DEAF1: variants seen among roughly 807,000 people sequenced by gnomAD.
DEAF1 encodes the protein DEAF1 transcription factor, also known as deformed epidermal autoregulatory factor 1 homolog.
Under a neutral mutation model 58.9 loss-of-function variants are expected in DEAF1, and 53 were observed. The observed-to-expected ratio is 0.90, with a 90% CI of 0.72 to 1.13. The LOEUF (loss-of-function observed/expected upper bound fraction) is 1.13. DEAF1 is among the 50% of genes most tolerant of loss of function. DEAF1 has a pLI of 0.00. For missense variants in DEAF1, 685 were observed against 791.4 expected, an observed-to-expected ratio of 0.87 and a Z score of 1.61; for synonymous variants, 385 against 340.4, an observed-to-expected ratio of 1.13 and a Z score of -1.44.
chr11:695,895 G>A, upstream of DEAF1: 1 of 1,209,516 alleles, frequency 8.3e-7, no homozygotes, highest in Non-Finnish European at 1.0e-6. Context: ...GGCGGGCGCG[G>A]CGTTTCCCTG....
At chr11:683,708 A>C (rs1035957382) in intron 6 of DEAF1, among the ~76,000 whole-genome samples, 1 of 152,214 alleles carries the variant, frequency 6.6e-6, no homozygotes, top group African/African-American at 2.4e-5. Context: ...CTACGAATCA[A>C]CTTGGGAAAA....
At chr11:670,846 C>T (rs1394787229) in intron 10 of DEAF1, among the ~76,000 whole-genome samples, 2 of 136,936 alleles carry the variant, frequency 1.5e-5, no homozygotes, top group East Asian at 2.1e-4. Context: ...GGTGTGATCA[C>T]GGCTCACTGC....
chr11:650,466 A>T (rs1172638929), intron 11 of DEAF1, among the ~76,000 whole-genome samples: 1 of 151,622 alleles, frequency 6.6e-6, no homozygotes, highest in African/African-American at 2.4e-5. Context: ...GGGAATGCTT[A>T]AGAGCCAAGG....
chr11:648,117 T>G lies in DEAF1; in HGVS notation c.1594-3463A>C, dbSNP rs1858583659. ...GGGAGCAGGGGATTCCTGTTGGGGC[T>G]TCATAACATGCATAAACTCGTGTAT... is the stretch of plus-strand genomic sequence containing the variant. On this transcript the variant is annotated intron_variant, in intron 11 of 11. Coordinates refer to ENST00000382409, the MANE Select transcript of DEAF1 (RefSeq NM_021008.4). Among the ~76,000 whole-genome samples, 4 of 152,002 alleles carry G rather than the reference T, an allele frequency of 2.6e-5. No individual in the cohort carries two copies. The South Asian group carries it at 8.3e-4, about 31-fold the overall frequency.
intron 10 of DEAF1, chr11:654,597 G>C (rs1218292668): frequency 2.2e-6 from 1 of 455,294 alleles, no homozygotes; most frequent in African/African-American, 2.0e-5. Context: ...AGTATGGGCC[G>C]GGAGCAGCGG....
chr11:695,771 G>A (rs1055957602), upstream of DEAF1: 49 of 1,238,080 alleles, frequency 4.0e-5, no homozygotes, highest in Non-Finnish European at 4.8e-5. Context: ...AGGAGCGCGA[G>A]CGCGCGGGCC....
intron 8 of DEAF1, 69 bp from the exon 9 acceptor site, chr11:678,891 T>C (rs1263546053): frequency 6.3e-7 from 1 of 1,599,072 alleles, no homozygotes. Flanking sequence ...AATATCACGC[T>C]GTATGGCTGC....
intron 5 of DEAF1, among the ~76,000 whole-genome samples, chr11:686,486 C>T (rs1860598259): frequency 6.6e-6 from 1 of 152,058 alleles, no homozygotes; most frequent in African/African-American, 2.4e-5. Context: ...AGTAGACTGA[C>T]GAGAAGTTAG....
intron 10 of DEAF1, among the ~76,000 whole-genome samples, chr11:656,989 C>T (rs999580261): frequency 6.6e-6 from 1 of 152,104 alleles, no homozygotes; most frequent in Non-Finnish European, 1.5e-5. Flanking sequence ...GAAGTGGCTG[C>T]GGAGATGTTC....
At chr11:697,255 A>G (rs1021862301), upstream of DEAF1, among the ~76,000 whole-genome samples, 5 of 151,900 alleles carry the variant, frequency 3.3e-5, no homozygotes, top group African/African-American at 1.2e-4. Flanking sequence ...CCCTGTCTCT[A>G]AAAAAACTAA....
chr11:644,479 G>T lies in DEAF1; in HGVS notation c.*71C>A. On this transcript the variant is annotated 3_prime_UTR_variant, in exon 12 of 12. Transcript: ENST00000382409. The surrounding 1 kb of genome is among the most constrained non-coding windows in gnomAD (Gnocchi z 4.3). ...CTCAACGTCCCCCCAGAGTCCTCAG[G>T]GGGGCCTTCGACCTGCAAAAGCCTC... is the stretch of plus-strand genomic sequence containing the variant. The T allele has an allele frequency of 8.3e-7, 1 of 1,201,030 alleles. No homozygotes were observed. Among genetic ancestry groups the T allele is most frequent in the South Asian group, 1.3e-5 (1 of 79,786 alleles). 74.4% of individuals were successfully genotyped at this position (1,201,030 alleles called of 1,614,324 possible). A position where few individuals can be genotyped will look rare whatever the true frequency, so the allele number is the denominator to read the frequency against.
At chr11:653,256 C>T (rs766851681) in intron 11 of DEAF1, among the ~76,000 whole-genome samples, 2 of 146,386 alleles carry the variant, frequency 1.4e-5, no homozygotes, top group Non-Finnish European at 1.5e-5. Flanking sequence ...CTGTCTCTCG[C>T]GTGGCTCTGC....
At chr11:665,470 G>A (rs75316620) in intron 10 of DEAF1, among the ~76,000 whole-genome samples, 1 of 152,218 alleles carries the variant, frequency 6.6e-6, no homozygotes, top group Non-Finnish European at 1.5e-5. Context: ...ATTTTCAGAT[G>A]CACGGGATGT....
intron 10 of DEAF1, among the ~76,000 whole-genome samples, chr11:669,350 A>ACT (rs1859702923): frequency 6.6e-6 from 1 of 152,104 alleles, no homozygotes; most frequent in African/African-American, 2.4e-5. Flanking sequence ...GAAATCTAGA[A>ACT]AATCAACTGG....
In DEAF1 at chr11:688,503, C is replaced by T. The variant is rs1465304210; in HGVS notation, c.388-43G>A. ...TCCGTCAGGTCACGTCCGAGAGTGA[C>T]ACCAGGCGTGTCACTGAGCCCAGCT... On this transcript the variant is annotated intron_variant, in intron 2 of 11. Transcript: ENST00000382409. The surrounding 1 kb of genome is among the most constrained non-coding windows in gnomAD (Gnocchi z 4.3). 2.5e-6 allele frequency: 4 copies of T among 1,611,790 alleles called. No homozygotes were observed. The African/African-American group carries it at 4.0e-5, about 16-fold the overall frequency.
chr11:700,679 G>C (rs766401487), intron 1 of DEAF1: 1 of 1,614,164 alleles, frequency 6.2e-7, no homozygotes, highest in South Asian at 1.1e-5. Flanking sequence ...TTCTGATGGG[G>C]ATTCTAGAAG....
At chr11:685,833 TG>T (rs1860571088) in intron 5 of DEAF1, among the ~76,000 whole-genome samples, 3 of 150,694 alleles carry the variant, frequency 2.0e-5, no homozygotes, top group Non-Finnish European at 3.0e-5. Context: ...CTGACCAACA[TG>T]GTTGGTCTCC....
upstream of DEAF1, chr11:695,859 G>T: frequency 1.6e-6 from 2 of 1,228,420 alleles, no homozygotes; most frequent in South Asian, 4.0e-5. Flanking sequence ...GAGCTCGGGC[G>T]GGGTGGGGGC....
At chr11:704,542 G>A (rs1451574520) in intron 1 of DEAF1, 4 of 1,289,330 alleles carry the variant, frequency 3.1e-6, no homozygotes, top group Non-Finnish European at 4.0e-6. Context: ...ACTCGCAGAA[G>A]ACCAGCTGGG....
Sources: allele counts gnomAD v4.1 joint callset (sites outside exome capture counted in the v4.1 genomes callset), GRCh38; gene constraint gnomAD v4.1.1; non-coding constraint Gnocchi (gnomAD v3.1); transcripts MANE v1.5; gene names NCBI Gene and HGNC (gene_info 2026-07-23, HGNC 2026-07-21).